The following ARPP21 variants were observed in gnomAD, a reference collection of about 807,000 sequenced individuals.
The protein encoded by ARPP21 is cAMP regulated phosphoprotein 21, also known as cAMP-regulated phosphoprotein 21.
ARPP21 carries 69 observed loss-of-function variants against 113.2 expected under a neutral mutation model. The observed-to-expected ratio is 0.61, with a 90% CI of 0.50 to 0.74. The LOEUF is 0.74. ARPP21 is among the 30% of genes least tolerant of loss of function. ARPP21 has a pLI of 0.00. For missense variants in ARPP21, 1,070 were observed against 1,037.4 expected, an observed-to-expected ratio of 1.03 and a Z score of -0.43; for synonymous variants, 368 against 375.5, an observed-to-expected ratio of 0.98 and a Z score of 0.23.
intron 19 of ARPP21, among the ~76,000 whole-genome samples, chr3:35,770,018 G>A (rs1299350114): frequency 6.6e-6 from 1 of 152,184 alleles, no homozygotes; most frequent in South Asian, 2.1e-4. Flanking sequence ...AAGTTGCCAT[G>A]TTGGTACAGT....
intron 1 of ARPP21, chr3:35,642,110 C>G (rs1444740391): frequency 6.6e-6 from 1 of 152,186 alleles, no homozygotes; most frequent in Non-Finnish European, 1.5e-5. Flanking sequence ...CTTAATTTCA[C>G]TACATGCTGA....
intron 1 of ARPP21, among the ~76,000 whole-genome samples, chr3:35,658,049 T>C (rs28575736): frequency 0.012 from 1,860 of 152,232 alleles, 38 homozygotes; most frequent in African/African-American, 0.042. Flanking sequence ...TAGTGATAAC[T>C]GGAATAATAC....
chr3:35,769,331 C>CCTGGAACACCTATGTTA (rs1349127114), intron 19 of ARPP21, among the ~76,000 whole-genome samples: 1 of 152,128 alleles, frequency 6.6e-6, no homozygotes, highest in Non-Finnish European at 1.5e-5. Flanking sequence ...TCCACTCTTG[C>CCTGGAACACCTATGTTA]CTGGAACACC....
chr3:35,689,109 G>A (rs1000576476), intron 6 of ARPP21, among the ~76,000 whole-genome samples, 198 bp from the exon 7 acceptor site: 5 of 151,408 alleles, frequency 3.3e-5, no homozygotes, highest in Non-Finnish European at 5.9e-5. Context: ...GGATTTATTG[G>A]GTGTTTTCAA....
intron 19 of ARPP21, among the ~76,000 whole-genome samples, chr3:35,757,102 T>C (rs2095599988): frequency 6.6e-6 from 1 of 150,932 alleles, no homozygotes; most frequent in East Asian, 2.0e-4. Context: ...AGGGTCTTTC[T>C]CTGTCACCCA....
intron 11 of ARPP21, among the ~76,000 whole-genome samples, chr3:35,713,876 C>A (rs2091881373): frequency 6.6e-6 from 1 of 152,156 alleles, no homozygotes; most frequent in Admixed American, 6.6e-5. Flanking sequence ...ACACAATCAA[C>A]CACTTTCCAA....
intron 19 of ARPP21, among the ~76,000 whole-genome samples, chr3:35,748,135 A>G (rs929627265): frequency 1.4e-5 from 2 of 147,400 alleles, no homozygotes; most frequent in Non-Finnish European, 3.0e-5. Flanking sequence ...GAAAAGAAAG[A>G]AAGGGAGAAA....
At chr3:35,757,471 A>G (rs970030960) in intron 19 of ARPP21, among the ~76,000 whole-genome samples, 1 of 152,086 alleles carries the variant, frequency 6.6e-6, no homozygotes, top group African/African-American at 2.4e-5. Flanking sequence ...TGGAATTGAG[A>G]TGAGTCAAAG....
intron 1 of ARPP21, among the ~76,000 whole-genome samples, chr3:35,673,754 C>T (rs1417018944): frequency 6.6e-6 from 1 of 151,970 alleles, no homozygotes; most frequent in Non-Finnish European, 1.5e-5. Flanking sequence ...AACTCAAACA[C>T]TTAGCTCCCA....
chr3:35,690,668 GT>G (rs1428459721), intron 8 of ARPP21, among the ~76,000 whole-genome samples, 196 bp from the exon 9 acceptor site: 1 of 151,572 alleles, frequency 6.6e-6, no homozygotes, highest in Non-Finnish European at 1.5e-5. Context: ...AAACAAAGAT[GT>G]TTATTGTGGC....
chr3:35,671,955 A>G (rs1445120744), intron 1 of ARPP21, among the ~76,000 whole-genome samples: 1 of 152,030 alleles, frequency 6.6e-6, no homozygotes, highest in Non-Finnish European at 1.5e-5. Flanking sequence ...CATCAGTTCA[A>G]AGGTTCAGCA....
intron 13 of ARPP21, among the ~76,000 whole-genome samples, chr3:35,721,352 C>T (rs1003039981): frequency 2.6e-5 from 4 of 152,030 alleles, no homozygotes; most frequent in Admixed American, 6.6e-5. Flanking sequence ...TCTCCTTCAC[C>T]GACAGAGGGA....
intron 14 of ARPP21, among the ~76,000 whole-genome samples, chr3:35,723,619 T>C (rs558252896): frequency 6.6e-6 from 1 of 152,226 alleles, no homozygotes; most frequent in Non-Finnish European, 1.5e-5. Context: ...CTTTAAATGG[T>C]GCACTTAAAA....
chr3:35,748,067 GAAGAAAGAAAGAAAGA>G (rs71622571), intron 19 of ARPP21, among the ~76,000 whole-genome samples: 112 of 86,956 alleles, frequency 1.3e-3, no homozygotes, highest in Middle Eastern at 7.7e-3. Flanking sequence ...AAGAAGGAAG[GAAGAAAGAAAGAAAGA>G]AAGAAAGAAA....
At position 35,707,337 on chromosome 3, in the gene ARPP21, C is replaced by T. The variant is rs182921126; in HGVS notation, c.795+255C>T. ...CATGGGTGGTGCTTGGCGCAGTTTC[C>T]GCTGCATGTCTGGGAGGGTCGGGAT... On this transcript the variant is annotated intron_variant, in intron 10 of 20. Coordinates refer to ENST00000684406, the MANE Select transcript of ARPP21 (RefSeq NM_001385562.1). The T allele has an allele frequency of 3.2e-4, 198 of 621,262 alleles. 1 individual carries two copies. The highest frequency in any genetic ancestry group is 2.7e-3 in the African/African-American group (153 of 55,674). 38.5% of individuals were successfully genotyped at this position (621,262 alleles called of 1,614,324 possible).
intron 19 of ARPP21, among the ~76,000 whole-genome samples, chr3:35,756,356 G>T (rs17033755): frequency 0.034 from 5,125 of 152,200 alleles, 157 homozygotes; most frequent in South Asian, 0.11. Context: ...AGTTGGTTCA[G>T]TAGTTATAGT....
chr3:35,708,200 A>G (rs1559693353), intron 10 of ARPP21, among the ~76,000 whole-genome samples: 1 of 152,266 alleles, frequency 6.6e-6, no homozygotes, highest in South Asian at 2.1e-4. Flanking sequence ...GGATGGATGA[A>G]TGTGGTTAGT....
At chr3:35,767,712 G>A (rs887065527) in intron 19 of ARPP21, among the ~76,000 whole-genome samples, 6 of 152,060 alleles carry the variant, frequency 3.9e-5, no homozygotes, top group Non-Finnish European at 5.9e-5. Context: ...TTTCCATGCA[G>A]CTCTGTCAGT....
intron 1 of ARPP21, among the ~76,000 whole-genome samples, chr3:35,648,838 A>G (rs1575409578): frequency 6.6e-6 from 1 of 152,338 alleles, no homozygotes; most frequent in South Asian, 2.1e-4. Context: ...GGAATAGCCT[A>G]ATCAACTATT....
Sources: allele counts gnomAD v4.1 joint callset (sites outside exome capture counted in the v4.1 genomes callset), GRCh38; gene constraint gnomAD v4.1.1; transcripts MANE v1.5; gene names NCBI Gene and HGNC (gene_info 2026-07-23, HGNC 2026-07-21).